Variants in MAST2 observed in about 807,000 individuals in gnomAD.
MAST2 encodes the protein microtubule associated serine/threonine kinase 2, also known as microtubule-associated serine/threonine-protein kinase 2.
A neutral mutation model predicts 147.4 loss-of-function variants in MAST2; 70 were observed. The ratio of observed to expected loss-of-function variants is 0.47; its 90% confidence interval spans 0.39 to 0.58. The LOEUF (loss-of-function observed/expected upper bound fraction) is 0.58. Ranked by LOEUF, MAST2 falls within the 20% of genes least tolerant of loss-of-function variation. MAST2 has a pLI of 0.00. For synonymous variants in MAST2, 869 were observed against 896.8 expected, an observed-to-expected ratio of 0.97 and a Z score of 0.55; for missense variants, 2,080 against 2,302.3, an observed-to-expected ratio of 0.90 and a Z score of 1.98.
intron 4 of MAST2, among the ~76,000 whole-genome samples, chr1:45,893,964 C>T (rs1648293630): frequency 6.6e-6 from 1 of 152,112 alleles, no homozygotes; most frequent in African/African-American, 2.4e-5. Flanking sequence ...ACACTGACCC[C>T]AGCACTTTGT....
rs551528434 is a variant in MAST2, at chr1:46,006,356, G to A, written c.863G>A (p.Arg288Gln). 6.8e-6 allele frequency: 11 copies of A among 1,613,594 alleles called. 1 individual carries two copies. In the Admixed American group the frequency reaches 1.0e-4, roughly 15 times the overall value. ...STESVPDEEG[R>Q]QSPAMRPRSR... is the part of the protein sequence containing the mutation. ...GAGAGCGTACCAGATGAGGAAGGAC[G>A]GCAGTCCCCAGCCATGCGGCCTCGC... is the stretch of plus-strand genomic sequence containing the variant. The change falls in exon 8 of 29, where the codon CGG becomes CAG. Residue 288 changes from arginine (R) to glutamine (Q), a missense_variant. Transcript: ENST00000361297.
intron 1 of MAST2, among the ~76,000 whole-genome samples, chr1:45,822,394 G>A (rs959248457): frequency 2.5e-5 from 3 of 119,814 alleles, no homozygotes; most frequent in African/African-American, 9.0e-5. Flanking sequence ...GAGACTTGCA[G>A]TAAGAAGGGG....
intron 1 of MAST2, among the ~76,000 whole-genome samples, chr1:45,812,031 A>C (rs1345045140): frequency 6.6e-6 from 1 of 152,038 alleles, no homozygotes; most frequent in Non-Finnish European, 1.5e-5. Flanking sequence ...TGGCCTCCCA[A>C]AATGCTGGAA....
intron 4 of MAST2, among the ~76,000 whole-genome samples, chr1:45,957,078 A>G (rs571263847): frequency 4.9e-4 from 74 of 152,314 alleles, no homozygotes; most frequent in Non-Finnish European, 8.1e-4. Flanking sequence ...TGTTTTTAGT[A>G]TATTTTAGTA....
rs954934369 is a variant in MAST2 at position 45,904,900 on chromosome 1, C to T, written c.500+22505C>T. The stretch of plus-strand genomic sequence containing the variant: ...ATGGCTCACTGCAACCTCAGCCTCC[C>T]GGGTTCAAGTGAGTCCCCCACCTCA... On this transcript the variant is annotated intron_variant, in intron 4 of 28. Coordinates refer to ENST00000361297, the MANE Select transcript of MAST2 (RefSeq NM_015112.3). Among the ~76,000 whole-genome samples the T allele has an allele frequency of 5.3e-5, 8 of 152,218 alleles. No homozygotes were observed. The South Asian group carries it at 8.3e-4, about 16-fold the overall frequency.
At chr1:45,939,730 C>G (rs1249755603) in intron 4 of MAST2, among the ~76,000 whole-genome samples, 1 of 152,068 alleles carries the variant, frequency 6.6e-6, no homozygotes, top group Non-Finnish European at 1.5e-5. Flanking sequence ...TTCCTAGAAA[C>G]GGAGTTTCAC....
At chr1:46,005,217 C>T (rs1490646240) in intron 7 of MAST2, among the ~76,000 whole-genome samples, 1 of 152,162 alleles carries the variant, frequency 6.6e-6, no homozygotes, top group Non-Finnish European at 1.5e-5. Flanking sequence ...ACAAAATTAC[C>T]CGGGCATGGT....
chr1:45,819,642 A>G (rs1268868832), intron 1 of MAST2, among the ~76,000 whole-genome samples: 1 of 152,182 alleles, frequency 6.6e-6, no homozygotes, highest in African/African-American at 2.4e-5. Context: ...AACCAAAGAG[A>G]TGAAAGATCT....
At chr1:45,975,621 G>A (rs1036028342) in intron 5 of MAST2, among the ~76,000 whole-genome samples, 12 of 149,532 alleles carry the variant, frequency 8.0e-5, no homozygotes, top group Admixed American at 3.3e-4. Context: ...GCAGTAAGCC[G>A]CGGTCACGCC....
At chr1:45,967,771 G>C (rs1299078314) in intron 5 of MAST2, among the ~76,000 whole-genome samples, 1 of 152,130 alleles carries the variant, frequency 6.6e-6, no homozygotes, top group Non-Finnish European at 1.5e-5. Context: ...GTTCAAACCT[G>C]TGTTGTTCAA....
chr1:45,811,318 G>A (rs529433184), intron 1 of MAST2, among the ~76,000 whole-genome samples: 57 of 148,074 alleles, frequency 3.8e-4, no homozygotes, highest in African/African-American at 1.4e-3. Context: ...ACCACGCCCA[G>A]CTAATTTTTG....
At chr1:45,826,333 C>G (rs1644791385) in intron 2 of MAST2, among the ~76,000 whole-genome samples, 1 of 151,998 alleles carries the variant, frequency 6.6e-6, no homozygotes, top group Non-Finnish European at 1.5e-5. Context: ...AGTGCTTAGT[C>G]TAAGAGTTTG....
chr1:45,860,051 A>G (rs1645923058), intron 3 of MAST2, among the ~76,000 whole-genome samples: 1 of 152,078 alleles, frequency 6.6e-6, no homozygotes, highest in African/African-American at 2.4e-5. Flanking sequence ...AAATTAGCAT[A>G]TCCACATTGA....
intron 4 of MAST2, among the ~76,000 whole-genome samples, chr1:45,946,673 T>C (rs1245541632): frequency 6.6e-6 from 1 of 152,222 alleles, no homozygotes; most frequent in East Asian, 1.9e-4. Context: ...TTTTCTGCTA[T>C]AAGATATAGT....
At chr1:45,981,762 C>A (rs1307340459) in intron 5 of MAST2, among the ~76,000 whole-genome samples, 1 of 151,828 alleles carries the variant, frequency 6.6e-6, no homozygotes, top group East Asian at 1.9e-4. Flanking sequence ...TCAGATTTTT[C>A]TCACTGTCAT....
intron 4 of MAST2, among the ~76,000 whole-genome samples, chr1:45,883,691 T>C (rs1038007901): frequency 7.2e-5 from 11 of 152,084 alleles, no homozygotes; most frequent in African/African-American, 2.7e-4. Flanking sequence ...TTGGATGAAT[T>C]CTATTATTTA....
intron 5 of MAST2, among the ~76,000 whole-genome samples, chr1:45,981,091 C>T (rs1644389363): frequency 6.6e-6 from 1 of 151,890 alleles, no homozygotes; most frequent in Non-Finnish European, 1.5e-5. Context: ...GAGATGGAGT[C>T]TCAAAAATTG....
chr1:45,891,952 G>A (rs1647865766), intron 4 of MAST2, among the ~76,000 whole-genome samples: 2 of 152,058 alleles, frequency 1.3e-5, no homozygotes, highest in Admixed American at 1.3e-4. Flanking sequence ...AAGGGTCCTG[G>A]GCCTTCCAGG....
chr1:45,951,280 A>G (rs1658890489), intron 4 of MAST2, among the ~76,000 whole-genome samples: 1 of 151,962 alleles, frequency 6.6e-6, no homozygotes, highest in Admixed American at 6.6e-5. Flanking sequence ...ATTTAAAATT[A>G]TTAAGAATAT....
Sources: gnomAD v4.1 joint callset for allele counts (sites outside exome capture counted in the v4.1 genomes callset) on GRCh38, gnomAD v4.1.1 for gene constraint, MANE v1.5 for transcripts, NCBI Gene and HGNC (gene_info 2026-07-23, HGNC 2026-07-21) for gene names.